Variants in VWC2L observed in about 807,000 individuals in gnomAD.
The protein encoded by VWC2L is von Willebrand factor C domain-containing protein 2-like.
VWC2L carries 10 observed loss-of-function variants against 21.6 expected under a neutral mutation model. The ratio of observed to expected loss-of-function variants is 0.46; its 90% confidence interval spans 0.29 to 0.78. VWC2L has a LOEUF of 0.78. VWC2L is among the 30% of genes least tolerant of loss of function. The pLI is 0.10. For missense variants in VWC2L, 209 were observed against 277.1 expected (o/e 0.75, Z 1.74); for synonymous variants, 96 against 94.3 (o/e 1.02, Z -0.10).
chr2:214,562,774 G>GA (rs765986448), intron 3 of VWC2L, among the ~76,000 whole-genome samples: 7 of 152,144 alleles, frequency 4.6e-5, no homozygotes, highest in Non-Finnish European at 2.9e-5. Flanking sequence ...CTTCTTTTGA[G>GA]AAGTGTCTGT....
At chr2:214,471,108 A>G (rs1209836827) in intron 3 of VWC2L, among the ~76,000 whole-genome samples, 1 of 152,084 alleles carries the variant, frequency 6.6e-6, no homozygotes, top group Non-Finnish European at 1.5e-5. Flanking sequence ...TTTATTGTCT[A>G]CAAGAATGTC....
chr2:214,455,802 T>C (rs1372298508), intron 3 of VWC2L, among the ~76,000 whole-genome samples: 1 of 152,214 alleles, frequency 6.6e-6, no homozygotes, highest in African/African-American at 2.4e-5. Flanking sequence ...CATGTGAGTA[T>C]TTCTCTTTCT....
intron 3 of VWC2L, among the ~76,000 whole-genome samples, chr2:214,558,033 C>T (rs750838765): frequency 3.3e-5 from 5 of 152,212 alleles, no homozygotes; most frequent in Non-Finnish European, 7.3e-5. Flanking sequence ...CACCACTCCG[C>T]AGACATTGTA....
intron 3 of VWC2L, among the ~76,000 whole-genome samples, chr2:214,485,012 C>T (rs1688656120): frequency 6.6e-6 from 1 of 152,128 alleles, no homozygotes; most frequent in African/African-American, 2.4e-5. Context: ...ATAAACACTT[C>T]TTACCTTTAG....
chr2:214,529,370 G>T (rs1004895987), intron 3 of VWC2L, among the ~76,000 whole-genome samples: 2 of 152,176 alleles, frequency 1.3e-5, no homozygotes, highest in Non-Finnish European at 2.9e-5. Context: ...TAGCCAGCGT[G>T]ACAGGTTCAG....
At chr2:214,476,682 A>G (rs889866658) in intron 3 of VWC2L, among the ~76,000 whole-genome samples, 12 of 152,198 alleles carry the variant, frequency 7.9e-5, no homozygotes, top group Admixed American at 1.3e-4. Flanking sequence ...TACATCCATA[A>G]TTAGATTTAT....
At chr2:214,474,150 G>A (rs1228521626) in intron 3 of VWC2L, among the ~76,000 whole-genome samples, 2 of 151,702 alleles carry the variant, frequency 1.3e-5, no homozygotes, top group Admixed American at 1.3e-4. Context: ...CTGCACTGCA[G>A]CATTGAAAAA....
chr2:214,512,914 T>C (rs1422055955), intron 3 of VWC2L, among the ~76,000 whole-genome samples: 2 of 152,222 alleles, frequency 1.3e-5, no homozygotes, highest in East Asian at 3.9e-4. Context: ...TCCTGAAACA[T>C]CACTGGTTTT....
intron 3 of VWC2L, among the ~76,000 whole-genome samples, chr2:214,496,321 A>C (rs1170847276): frequency 7.2e-6 from 1 of 138,232 alleles, no homozygotes; most frequent in African/African-American, 2.6e-5. Context: ...TTGAAAAGAA[A>C]GATGCAATAG....
chr2:214,523,104 CCT>C (rs1448468558), intron 3 of VWC2L, among the ~76,000 whole-genome samples: 1 of 152,162 alleles, frequency 6.6e-6, no homozygotes, highest in African/African-American at 2.4e-5. Context: ...AGTAATAACT[CCT>C]CTTTGTTTCA....
intron 3 of VWC2L, among the ~76,000 whole-genome samples, chr2:214,453,157 A>C (rs888113938): frequency 6.6e-6 from 1 of 152,124 alleles, no homozygotes; most frequent in East Asian, 1.9e-4. Flanking sequence ...GGTCAAAAAA[A>C]TATTTTTCCT....
intron 3 of VWC2L, among the ~76,000 whole-genome samples, chr2:214,563,691 A>G (rs1052221297): frequency 1.3e-5 from 2 of 152,074 alleles, no homozygotes; most frequent in African/African-American, 4.8e-5. Flanking sequence ...AACATACCTC[A>G]AAATAATAAA....
intron 3 of VWC2L, among the ~76,000 whole-genome samples, chr2:214,438,760 T>C (rs1702718733): frequency 6.6e-6 from 1 of 152,024 alleles, no homozygotes; most frequent in Non-Finnish European, 1.5e-5. Context: ...AGTAGAAATT[T>C]TTCTCCAAAT....
At chr2:214,430,877 T>C (rs1167661950) in intron 2 of VWC2L, among the ~76,000 whole-genome samples, 2 of 152,200 alleles carry the variant, frequency 1.3e-5, no homozygotes, top group Non-Finnish European at 1.5e-5. Context: ...GTATTAAAAT[T>C]CTTAAAGAAG....
At chr2:214,515,658 A>G (rs1485524184) in intron 3 of VWC2L, among the ~76,000 whole-genome samples, 1 of 152,150 alleles carries the variant, frequency 6.6e-6, no homozygotes, top group Non-Finnish European at 1.5e-5. Flanking sequence ...GGTTCCAGCG[A>G]TTCTCCTGCC....
At chr2:214,422,943 T>C (rs1702465412) in intron 2 of VWC2L, among the ~76,000 whole-genome samples, 1 of 152,158 alleles carries the variant, frequency 6.6e-6, no homozygotes, top group Non-Finnish European at 1.5e-5. Context: ...AAAACTCAAA[T>C]ACGTTTATTC....
At chr2:214,454,821 C>G (rs1703031833) in intron 3 of VWC2L, among the ~76,000 whole-genome samples, 1 of 151,836 alleles carries the variant, frequency 6.6e-6, no homozygotes, top group Non-Finnish European at 1.5e-5. Flanking sequence ...CCAGGATGGT[C>G]TTGATTTCCT....
At chr2:214,505,921 A>G (rs1688961503) in intron 3 of VWC2L, among the ~76,000 whole-genome samples, 4 of 152,114 alleles carry the variant, frequency 2.6e-5, no homozygotes, top group African/African-American at 9.7e-5. Context: ...TTTCTTAGTA[A>G]TGGTGGGGAA....
intron 3 of VWC2L, among the ~76,000 whole-genome samples, chr2:214,555,120 T>A (rs932091207): frequency 1.3e-4 from 20 of 152,226 alleles, no homozygotes; most frequent in African/African-American, 4.8e-4. Context: ...CTACAAACAT[T>A]TCTTTCTGCT....
Sources: gnomAD v4.1 joint callset for allele counts (sites outside exome capture counted in the v4.1 genomes callset) on GRCh38, gnomAD v4.1.1 for gene constraint, MANE v1.5 for transcripts, NCBI Gene and HGNC (gene_info 2026-07-23, HGNC 2026-07-21) for gene names.